SESN2: variants seen among roughly 807,000 people sequenced by gnomAD.
The protein encoded by SESN2 is sestrin-2.
Under a neutral mutation model 56.0 loss-of-function variants are expected in SESN2, and 42 were observed. The observed-to-expected ratio is 0.75, with a 90% confidence interval of 0.59 to 0.97. SESN2 has a LOEUF of 0.97. Among genes scored for constraint, SESN2 ranks in the 50% least tolerant of loss-of-function variants. The pLI is 0.00. For synonymous variants in SESN2, 264 were observed against 267.1 expected, an observed-to-expected ratio of 0.99 and a Z score of 0.11; for missense variants, 507 against 649.4, an observed-to-expected ratio of 0.78 and a Z score of 2.38.
intron 9 of SESN2, 66 bp downstream of exon 9, chr1:28,279,307 T>C: frequency 6.4e-7 from 1 of 1,565,688 alleles, no homozygotes; most frequent in Non-Finnish European, 8.7e-7. Flanking sequence ...GGGCAAGGGG[T>C]TAGGACCCAG....
At chr1:28,279,343 C>G in intron 9 of SESN2, 102 bp downstream of exon 9, 1 of 1,238,118 alleles carries the variant, frequency 8.1e-7, no homozygotes, top group Non-Finnish European at 1.1e-6. Context: ...TGAGTCTGTC[C>G]TGCTAGGTGG....
chr1:28,273,946 T>A, intron 6 of SESN2, 94 bp from the exon 7 acceptor site: 1 of 851,410 alleles, frequency 1.2e-6, no homozygotes, highest in Non-Finnish European at 1.9e-6. Context: ...GGCCCTCTAT[T>A]CTGCCTTCCC....
At chr1:28,265,344 A>T (rs1050337380) in intron 1 of SESN2, among the ~76,000 whole-genome samples, 7 of 152,098 alleles carry the variant, frequency 4.6e-5, no homozygotes, top group African/African-American at 1.7e-4. Flanking sequence ...TCAGGGCTTT[A>T]TACTCGCGTT....
intron 2 of SESN2, among the ~76,000 whole-genome samples, chr1:28,271,060 T>A (rs545168275): frequency 5.2e-4 from 79 of 152,330 alleles, no homozygotes; most frequent in Non-Finnish European, 1.1e-3. Flanking sequence ...GGAGTTCATC[T>A]GGATTTGAAT....
intron 2 of SESN2, among the ~76,000 whole-genome samples, chr1:28,270,713 C>T (rs920274123): frequency 1.1e-4 from 17 of 152,252 alleles, no homozygotes; most frequent in Admixed American, 1.1e-3. Flanking sequence ...GCTGGGATTA[C>T]AGGCATGAGC....
At position 28,274,934 on chromosome 1, in the gene SESN2, C is replaced by T. The variant is rs757928529; in HGVS notation, c.1130C>T (p.Thr377Ile). The change falls in exon 8 of 10, where the codon ACC becomes ATC. Residue 377 changes from threonine (T) to isoleucine (I), a missense_variant. Physicochemically the swap from Thr to Ile is moderately conservative, Grantham distance 89. Transcript: ENST00000253063. The part of the protein sequence containing the change: ...FQAAYSLTYN[T>I]IAMHSGVDTS... ...GCAGCCTATAGCCTCACCTACAATACCATCGCCATGCACAGTGGTGTGGAC... is the reference window on the plus strand; with the variant it reads ...GCAGCCTATAGCCTCACCTACAATATCATCGCCATGCACAGTGGTGTGGAC... 1.2e-6 allele frequency: 2 copies of T among 1,614,154 alleles called. No individual in the cohort carries two copies. Among genetic ancestry groups the T allele is most frequent in the Non-Finnish European group, 1.7e-6 (2 of 1,179,978 alleles).
At chr1:28,268,564 C>G (rs1647637822) in intron 1 of SESN2, among the ~76,000 whole-genome samples, 3 of 151,780 alleles carry the variant, frequency 2.0e-5, no homozygotes, top group Admixed American at 2.0e-4. Flanking sequence ...ACTCGGGAGG[C>G]TGAGGCAGGA....
intron 1 of SESN2, among the ~76,000 whole-genome samples, chr1:28,262,420 A>C (rs1647404535): frequency 6.6e-6 from 1 of 152,020 alleles, no homozygotes; most frequent in Non-Finnish European, 1.5e-5. Context: ...AGGCAGATGG[A>C]TTGCTTGAGC....
At chr1:28,270,495 C>T (rs1166671432) in intron 2 of SESN2, among the ~76,000 whole-genome samples, 2 of 152,168 alleles carry the variant, frequency 1.3e-5, no homozygotes, top group African/African-American at 4.8e-5. Context: ...CAACCACTTG[C>T]CGATTATTTA....
At position 28,259,568 on chromosome 1, in the gene SESN2, C is replaced by T. The variant is rs1647297044; in HGVS notation, c.-280C>T. 2.7e-6 allele frequency: 1 copy of T among 368,346 alleles called. No individual in the cohort carries two copies. The highest frequency in any genetic ancestry group is 2.1e-5 in the African/African-American group (1 of 47,676). The allele number at this position is 368,346 out of a possible 1,614,324, so 22.8% of individuals were successfully genotyped here. On this transcript the variant is annotated 5_prime_UTR_variant, in exon 1 of 10. Coordinates refer to ENST00000253063, the MANE Select transcript of SESN2 (RefSeq NM_031459.5). Reference sequence around the variant, plus strand: ...TGAGGAGCGCTGGGTCCGGGAGCAGCCCTGGCCCCTGCGGACTTCCGAGGC... The same window carrying T: ...TGAGGAGCGCTGGGTCCGGGAGCAGTCCTGGCCCCTGCGGACTTCCGAGGC...
chr1:28,265,779 G>T (rs534776614), intron 1 of SESN2, among the ~76,000 whole-genome samples: 1 of 152,188 alleles, frequency 6.6e-6, no homozygotes, highest in African/African-American at 2.4e-5. Context: ...CCACCACCAA[G>T]CCTTCCAAAG....
At chr1:28,263,979 C>G (rs1036508898) in intron 1 of SESN2, among the ~76,000 whole-genome samples, 3 of 150,788 alleles carry the variant, frequency 2.0e-5, no homozygotes, top group African/African-American at 7.3e-5. Context: ...AATCCCAGCA[C>G]TTTGGGAGGC....
chr1:28,268,185 A>C (rs1647625219), intron 1 of SESN2, among the ~76,000 whole-genome samples: 8 of 152,128 alleles, frequency 5.3e-5, no homozygotes, highest in Admixed American at 5.2e-4. Flanking sequence ...GCCGGGGGAC[A>C]ACTGGCGAGG....
chr1:28,282,382 T>C lies in SESN2; in HGVS notation c.*1580T>C, dbSNP rs1304099685. 6.6e-6 allele frequency: 1 copy of C among 152,262 alleles called. No homozygotes were observed. Among genetic ancestry groups the C allele is most frequent in the Non-Finnish European group, 1.5e-5 (1 of 68,068 alleles). 9.4% of individuals were successfully genotyped at this position (152,262 alleles called of 1,614,324 possible). ...AGAGGGCATGTGATGACTGTAAATG[T>C]TCACTGGGTGGGTAGGGAGTGGTAT... is the stretch of plus-strand genomic sequence containing the variant. On this transcript the variant is annotated 3_prime_UTR_variant, in exon 10 of 10. Transcript: ENST00000253063.
chr1:28,259,532 G>C lies in SESN2; in HGVS notation c.-316G>C, dbSNP rs1647295297. 1.0e-5 allele frequency: 3 copies of C among 292,418 alleles called. No individual in the cohort carries two copies. The highest frequency in any genetic ancestry group is 1.9e-5 in the Non-Finnish European group (3 of 158,578). The allele number at this position is 292,418 out of a possible 1,614,324, so 18.1% of individuals were successfully genotyped here. A position where few individuals can be genotyped will look rare whatever the true frequency, so the allele number is the denominator to read the frequency against. ...GCCCGGCGAGCGCTGGCAGTTCCGCGGCGGGGATGCTGAGGAGCGCTGGGT... is the reference window on the plus strand; with the variant it reads ...GCCCGGCGAGCGCTGGCAGTTCCGCCGCGGGGATGCTGAGGAGCGCTGGGT... On this transcript the variant is annotated 5_prime_UTR_variant, in exon 1 of 10. Transcript: ENST00000253063.
At position 28,269,216 on chromosome 1, in the gene SESN2, C is replaced by T. The variant is rs1160838878; in HGVS notation, c.124C>T (p.Arg42Ter). The change falls in exon 2 of 10, where the codon CGA becomes TGA. Residue 42 changes from arginine (R) to a stop codon, truncating the protein, a stop_gained. Transcript: ENST00000253063. LOFTEE classifies it high-confidence loss of function. ...QRESRARRGP[R>*]GPSAFIPVEE... ...GGAGAGCCGGGCTCGGCGAGGCCCT[C>T]GAGGGCCCAGCGCCTTCATCCCCGT... 2.5e-6 allele frequency: 4 copies of T among 1,612,828 alleles called. No homozygotes were observed. Among genetic ancestry groups the T allele is most frequent in the South Asian group, 1.1e-5 (1 of 90,836 alleles).
Position 28,279,079 on chromosome 1 carries a change from T to G in SESN2, c.1212-18T>G. On this transcript the variant is annotated intron_variant, in intron 8 of 9. Transcript: ENST00000253063. ...GGGAAGAAAGCATGAGTAATGCTGC[T>G]GGGACCTTTCCATCCAGATATGATG... 1 of 1,613,980 alleles carries G rather than the reference T, an allele frequency of 6.2e-7. No homozygotes were observed. The highest frequency in any genetic ancestry group is 1.7e-4 in the Middle Eastern group (1 of 5,998).
At position 28,259,703 on chromosome 1, in the gene SESN2, G is replaced by C. The variant is rs1647301514; in HGVS notation, c.-145G>C. 1 of 553,804 alleles carries C rather than the reference G, an allele frequency of 1.8e-6. No homozygotes were observed. The highest frequency in any genetic ancestry group is 2.0e-5 in the African/African-American group (1 of 50,378). The allele number at this position is 553,804 out of a possible 1,614,324, so 34.3% of individuals were successfully genotyped here. Reference sequence around the variant, plus strand: ...ACCAAAGCGGCCGTTCTCGGATTCCGGAGCGTTCTGGAGCCCCGAGAGACG... The same window carrying C: ...ACCAAAGCGGCCGTTCTCGGATTCCCGAGCGTTCTGGAGCCCCGAGAGACG... On this transcript the variant is annotated 5_prime_UTR_variant, in exon 1 of 10. Coordinates refer to ENST00000253063, the MANE Select transcript of SESN2 (RefSeq NM_031459.5).
chr1:28,260,915 G>A (rs967854827), intron 1 of SESN2, among the ~76,000 whole-genome samples: 2 of 151,938 alleles, frequency 1.3e-5, no homozygotes, highest in Non-Finnish European at 2.9e-5. Flanking sequence ...GACTAAACCA[G>A]CAATACAAGC....
Sources: gnomAD v4.1 joint callset for allele counts (sites outside exome capture counted in the v4.1 genomes callset) on GRCh38, gnomAD v4.1.1 for gene constraint, MANE v1.5 for transcripts, NCBI Gene and HGNC (gene_info 2026-07-23, HGNC 2026-07-21) for gene names.